The following NRG1 variants were observed in gnomAD, a reference collection of about 807,000 sequenced individuals.
The protein encoded by NRG1 is pro-neuregulin-1, membrane-bound isoform.
NRG1 carries 18 observed loss-of-function variants against 63.8 expected under a neutral mutation model. The observed-to-expected ratio is 0.28, with a 90% CI of 0.19 to 0.42. The LOEUF (loss-of-function observed/expected upper bound fraction) is 0.42. Ranked by LOEUF, NRG1 falls within the 10% of genes least tolerant of loss-of-function variation. NRG1 has a pLI of 1.00. For missense variants in NRG1, 762 were observed against 814.7 expected, an observed-to-expected ratio of 0.94 and a Z score of 0.79; for synonymous variants, 302 against 301.3, an observed-to-expected ratio of 1.00 and a Z score of -0.02.
Position 31,760,728 on chromosome 8 carries a change from A to T in NRG1, c.37+121297A>T, listed in dbSNP as rs538146020. ...GCTCATCATCACTGGCCATCAGAGA[A>T]ATGCAAATCAAAACCACAATGAGAT... On this transcript the variant is annotated intron_variant, in intron 1 of 10. Transcript: ENST00000519301. Among the ~76,000 whole-genome samples the T allele has an allele frequency of 5.5e-4, 84 of 152,354 alleles. 1 individual carries two copies. Among genetic ancestry groups the T allele is most frequent in the Non-Finnish European group, 7.3e-5 (5 of 68,042 alleles).
chr8:31,700,675 C>T (rs774715377), intron 1 of NRG1, among the ~76,000 whole-genome samples: 11 of 152,114 alleles, frequency 7.2e-5, no homozygotes, highest in African/African-American at 2.4e-4. Context: ...GCTCACTGTC[C>T]GTGCTCTGCT....
At chr8:31,788,565 A>G (rs186905545) in intron 1 of NRG1, among the ~76,000 whole-genome samples, 1 of 152,174 alleles carries the variant, frequency 6.6e-6, no homozygotes, top group Non-Finnish European at 1.5e-5. Flanking sequence ...TCTTAAGACT[A>G]TTAGCACATC....
intron 1 of NRG1, among the ~76,000 whole-genome samples, chr8:32,540,623 C>G (rs375803094): frequency 2.6e-5 from 4 of 152,160 alleles, no homozygotes; most frequent in African/African-American, 9.7e-5. Context: ...CTTCAGTACA[C>G]ACTCTGGGAC....
At chr8:32,342,768 A>C (rs1804235290) in intron 1 of NRG1, among the ~76,000 whole-genome samples, 1 of 152,230 alleles carries the variant, frequency 6.6e-6, no homozygotes, top group Non-Finnish European at 1.5e-5. Context: ...TCTTTTCTAA[A>C]AAATAAACAA....
chr8:31,943,528 A>G (rs1802083554), intron 1 of NRG1, among the ~76,000 whole-genome samples: 2 of 102,744 alleles, frequency 1.9e-5, no homozygotes, highest in East Asian at 2.1e-4. Context: ...CCAAAAACCT[A>G]TTGAAATAAA....
At chr8:32,089,560 A>G (rs958983688) in intron 1 of NRG1, among the ~76,000 whole-genome samples, 10 of 152,170 alleles carry the variant, frequency 6.6e-5, no homozygotes, top group African/African-American at 1.9e-4. Context: ...GTCATCTTGT[A>G]TAACTTTGAA....
intron 1 of NRG1, among the ~76,000 whole-genome samples, chr8:31,724,281 G>C (rs1270224300): frequency 6.6e-6 from 1 of 152,072 alleles, no homozygotes. Context: ...TGTTCAGAAA[G>C]AATGAACAAA....
At chr8:31,726,289 C>A (rs1288344526) in intron 1 of NRG1, among the ~76,000 whole-genome samples, 1 of 152,022 alleles carries the variant, frequency 6.6e-6, no homozygotes, top group Non-Finnish European at 1.5e-5. Context: ...CTAAAGGAAA[C>A]AATTTCCTGA....
intron 5 of NRG1, among the ~76,000 whole-genome samples, chr8:32,717,404 A>C (rs1819519187): frequency 6.6e-6 from 1 of 152,142 alleles, no homozygotes; most frequent in Non-Finnish European, 1.5e-5. Flanking sequence ...TAGAATTTGT[A>C]CTGGAAACCT....
intron 1 of NRG1, among the ~76,000 whole-genome samples, chr8:32,353,875 T>C (rs1358487609): frequency 6.6e-6 from 1 of 152,190 alleles, no homozygotes; most frequent in Non-Finnish European, 1.5e-5. Flanking sequence ...TGTAAATATT[T>C]ATAACAGCTT....
chr8:32,140,348 G>A (rs1836082635), intron 1 of NRG1, among the ~76,000 whole-genome samples: 1 of 151,932 alleles, frequency 6.6e-6, no homozygotes, highest in South Asian at 2.1e-4. Context: ...TTTTCTGCTC[G>A]ATAATATAAA....
At chr8:32,752,698 G>A (rs755452251) in intron 7 of NRG1, among the ~76,000 whole-genome samples, 4 of 151,916 alleles carry the variant, frequency 2.6e-5, no homozygotes, top group Admixed American at 6.6e-5. Context: ...TCCCTTCCTC[G>A]GTCTCTCTGT....
chr8:31,698,254 T>C (rs1279333503), intron 1 of NRG1, among the ~76,000 whole-genome samples: 1 of 152,218 alleles, frequency 6.6e-6, no homozygotes, highest in East Asian at 1.9e-4. Context: ...ATGTTTGATT[T>C]TATCCTTGCA....
intron 1 of NRG1, among the ~76,000 whole-genome samples, chr8:32,314,000 C>A (rs1857097591): frequency 6.6e-6 from 1 of 152,120 alleles, no homozygotes. Context: ...CTGGCCAGGT[C>A]ATGTTAACTA....
intron 1 of NRG1, among the ~76,000 whole-genome samples, chr8:32,492,348 G>C (rs1826690629): frequency 6.6e-6 from 1 of 151,758 alleles, no homozygotes; most frequent in Non-Finnish European, 1.5e-5. Context: ...ATTTGGTTTT[G>C]CAACTTTGTT....
At chr8:31,712,560 G>A (rs188969172) in intron 1 of NRG1, among the ~76,000 whole-genome samples, 94 of 152,144 alleles carry the variant, frequency 6.2e-4, no homozygotes, top group Admixed American at 1.5e-3. Context: ...GAGCCACTGC[G>A]CCCAGCCCAT....
chr8:32,615,065 T>C (rs1847105217), intron 4 of NRG1, among the ~76,000 whole-genome samples: 1 of 152,078 alleles, frequency 6.6e-6, no homozygotes, highest in Non-Finnish European at 1.5e-5. Context: ...AAAAATGCTG[T>C]TGTCTTTGTT....
intron 1 of NRG1, among the ~76,000 whole-genome samples, chr8:32,111,921 A>G (rs917830623): frequency 6.6e-6 from 1 of 152,162 alleles, no homozygotes; most frequent in African/African-American, 2.4e-5. Context: ...CTTACTCTCT[A>G]TATGAGTCTC....
chr8:31,789,534 C>A (rs1023761127), intron 1 of NRG1, among the ~76,000 whole-genome samples: 1 of 152,080 alleles, frequency 6.6e-6, no homozygotes, highest in Non-Finnish European at 1.5e-5. Flanking sequence ...GCTGCCATGA[C>A]AATATTAGCC....
Sources: gnomAD v4.1 joint callset for allele counts (sites outside exome capture counted in the v4.1 genomes callset) on GRCh38, gnomAD v4.1.1 for gene constraint, MANE v1.5 for transcripts, NCBI Gene and HGNC (gene_info 2026-07-23, HGNC 2026-07-21) for gene names.